The following HTR4 variants were observed in gnomAD, a reference collection of about 807,000 sequenced individuals.
HTR4 encodes 5-hydroxytryptamine receptor 4, also known as 5-hydroxytryptamine (serotonin) receptor 4, G protein-coupled.
Under a neutral mutation model 36.8 loss-of-function variants are expected in HTR4, and 16 were observed. The observed-to-expected ratio is 0.43, with a 90% CI of 0.29 to 0.66. HTR4 has a LOEUF of 0.66. HTR4 is among the 30% of genes least tolerant of loss of function. The pLI, the probability that HTR4 is intolerant of heterozygous loss-of-function variation, is 0.13. For missense variants in HTR4, 438 were observed against 490.9 expected (o/e 0.89, Z 1.02); for synonymous variants, 189 against 185.1 (o/e 1.02, Z -0.17).
intron 6 of HTR4, among the ~76,000 whole-genome samples, chr5:148,492,787 T>A (rs1756512782): frequency 6.6e-6 from 1 of 152,168 alleles, no homozygotes; most frequent in Admixed American, 6.5e-5. Flanking sequence ...ACACTTAAGG[T>A]CATATTGACA....
intron 1 of HTR4, among the ~76,000 whole-genome samples, chr5:148,652,635 C>T (rs1005007091): frequency 2.0e-5 from 3 of 152,146 alleles, no homozygotes; most frequent in Non-Finnish European, 4.4e-5. Context: ...GCCCTGGGGC[C>T]TCCTTCTGCT....
rs1453431236 is a variant in HTR4, at chr5:148,654,305, TC to T, written c.-292del. 1 of 984,578 alleles carries T rather than the reference TC, an allele frequency of 1.0e-6. No homozygotes were observed. The highest frequency in any genetic ancestry group is 1.2e-6 in the Non-Finnish European group (1 of 829,414). The allele number at this position is 984,578 out of a possible 1,614,324, so 61.0% of individuals were successfully genotyped here. On this transcript the variant is annotated 5_prime_UTR_variant, in exon 1 of 7. Coordinates refer to ENST00000377888, the MANE Select transcript of HTR4 (RefSeq NM_000870.7). ...GATCACCTGGGCTCGCCGCGCATCGTCCTTCTCCCCAACCGAGCCGGACTCC... is the reference window on the plus strand; with the variant it reads ...GATCACCTGGGCTCGCCGCGCATCGTCTTCTCCCCAACCGAGCCGGACTCC...
chr5:148,576,128 A>AAAAAACAAAAAAAAAAAAAAAC (rs1218308920), intron 2 of HTR4, among the ~76,000 whole-genome samples: 1 of 144,572 alleles, frequency 6.9e-6, no homozygotes, highest in African/African-American at 2.6e-5. Flanking sequence ...AAAAAAAAAA[A>AAAAAACAAAAAAAAAAAAAAAC]AAAAACAAAA....
At chr5:148,632,587 A>T (rs1753362803) in intron 2 of HTR4, among the ~76,000 whole-genome samples, 1 of 152,192 alleles carries the variant, frequency 6.6e-6, no homozygotes, top group South Asian at 2.1e-4. Flanking sequence ...GCCTGGAGGC[A>T]TTGTCTTGAG....
At chr5:148,560,698 G>C (rs180877493) in intron 2 of HTR4, among the ~76,000 whole-genome samples, 1 of 152,124 alleles carries the variant, frequency 6.6e-6, no homozygotes, top group South Asian at 2.1e-4. Flanking sequence ...GTAATATCAT[G>C]ATGCCCCCTT....
chr5:148,463,850 G>A (rs1755352100), intron 5 of HTR4, among the ~76,000 whole-genome samples: 1 of 152,012 alleles, frequency 6.6e-6, no homozygotes, highest in Admixed American at 6.6e-5. Flanking sequence ...TAAAACTGCA[G>A]TAAATGAAGC....
intron 2 of HTR4, among the ~76,000 whole-genome samples, chr5:148,564,031 C>T (rs1488201834): frequency 6.6e-6 from 1 of 152,188 alleles, no homozygotes; most frequent in African/African-American, 2.4e-5. Context: ...ATATGTTCTT[C>T]CCCCAAAAGA....
At chr5:148,500,731 A>G (rs1018187205) in intron 6 of HTR4, among the ~76,000 whole-genome samples, 3 of 152,178 alleles carry the variant, frequency 2.0e-5, no homozygotes, top group African/African-American at 4.8e-5. Context: ...AAGAATAAAT[A>G]TAAATAGTAT....
chr5:148,618,467 T>C (rs1752789692), intron 2 of HTR4, among the ~76,000 whole-genome samples: 1 of 152,214 alleles, frequency 6.6e-6, no homozygotes, highest in South Asian at 2.1e-4. Context: ...CAGGATGCAT[T>C]AGCAGGAGAG....
intron 2 of HTR4, among the ~76,000 whole-genome samples, chr5:148,600,976 C>CAAAAAAAAAA: frequency 0.031 from 423 of 13,614 alleles, 48 homozygotes; most frequent in Non-Finnish European, 0.038. Context: ...AACTCAATAG[C>CAAAAAAAAAA]AAAAAAAAAA....
chr5:148,506,411 A>G (rs970318206), intron 6 of HTR4, among the ~76,000 whole-genome samples: 1 of 152,246 alleles, frequency 6.6e-6, no homozygotes, highest in African/African-American at 2.4e-5. Flanking sequence ...ACCTAAAACC[A>G]TAAAAACCCT....
chr5:148,605,799 T>A (rs1388037550), intron 2 of HTR4, among the ~76,000 whole-genome samples: 2 of 151,760 alleles, frequency 1.3e-5, no homozygotes, highest in African/African-American at 4.8e-5. Flanking sequence ...ACAGCTGAGA[T>A]CTTTAAACCT....
chr5:148,528,958 T>A (rs1286861878), intron 4 of HTR4, among the ~76,000 whole-genome samples: 2 of 144,370 alleles, frequency 1.4e-5, no homozygotes, highest in African/African-American at 5.0e-5. Flanking sequence ...GTTTTTGCCA[T>A]CAAGAATAAT....
intron 5 of HTR4, among the ~76,000 whole-genome samples, chr5:148,453,180 T>C (rs529793585): frequency 6.6e-6 from 1 of 152,328 alleles, no homozygotes; most frequent in African/African-American, 2.4e-5. Flanking sequence ...CAGGTTAGTC[T>C]TTCTAACTCT....
downstream of HTR4, among the ~76,000 whole-genome samples, chr5:148,477,169 A>T (rs1424477228): frequency 6.6e-6 from 1 of 152,228 alleles, no homozygotes; most frequent in Non-Finnish European, 1.5e-5. Context: ...GGATGATGTC[A>T]GTAAGGATAG....
At chr5:148,515,740 T>C (rs943418109) in intron 5 of HTR4, among the ~76,000 whole-genome samples, 2 of 147,852 alleles carry the variant, frequency 1.4e-5, no homozygotes, top group Non-Finnish European at 2.9e-5. Context: ...TTGAGATTTA[T>C]CAACTTGTCT....
chr5:148,602,164 C>G (rs1201134509), intron 2 of HTR4, among the ~76,000 whole-genome samples: 1 of 151,994 alleles, frequency 6.6e-6, no homozygotes, highest in African/African-American at 2.4e-5. Flanking sequence ...AATAATAAAT[C>G]GGGTTGGGGA....
Position 148,509,750 on chromosome 5 carries a change from AG to A in HTR4, c.781del (p.Leu261CysfsTer25), listed in dbSNP as rs763077855. The part of the protein sequence containing the change: ...MRTETKAAKT[L>X]CIIMGCFCLC... ...GCAGAAGCAACCCATGATGATGCAC[AG>A]GGTCTTGGCTGCTTTGGTCTCTGTC... On this transcript the variant is annotated frameshift_variant, in exon 6 of 7. Coordinates refer to ENST00000377888, the MANE Select transcript of HTR4 (RefSeq NM_000870.7). LOFTEE classifies it high-confidence loss of function. 1 of 1,614,116 alleles carries A rather than the reference AG, an allele frequency of 6.2e-7. No homozygotes were observed. The highest frequency in any genetic ancestry group is 8.5e-7 in the Non-Finnish European group (1 of 1,180,008).
intron 1 of HTR4, 76 bp from the exon 2 acceptor site, chr5:148,637,137 CAAAT>C: frequency 1.1e-6 from 1 of 906,732 alleles, no homozygotes; most frequent in Non-Finnish European, 1.8e-6. Context: ...TTAAAAAACT[CAAAT>C]AACTATTGCT....
Sources: allele counts gnomAD v4.1 joint callset (sites outside exome capture counted in the v4.1 genomes callset), GRCh38; gene constraint gnomAD v4.1.1; transcripts MANE v1.5; gene names NCBI Gene and HGNC (gene_info 2026-07-23, HGNC 2026-07-21).